Variants in MINDY4 observed in about 807,000 individuals in gnomAD.
MINDY4 encodes the protein MINDY lysine 48 deubiquitinase 4.
A neutral mutation model predicts 87.0 loss-of-function variants in MINDY4; 68 were observed. The ratio of observed to expected loss-of-function variants is 0.78; its 90% CI spans 0.64 to 0.96. The LOEUF (loss-of-function observed/expected upper bound fraction) is 0.96, where lower values mean the gene tolerates loss of function less well. Ranked by LOEUF, MINDY4 falls within the 40% of genes least tolerant of loss-of-function variation. The probability of loss-of-function intolerance (pLI) is 0.00; values close to 1 mark genes in which losing one functional copy is unlikely to be tolerated. For missense variants in MINDY4, 919 were observed against 928.2 expected, an observed-to-expected ratio of 0.99 and a Z score of 0.13; for synonymous variants, 379 against 363.2, an observed-to-expected ratio of 1.04 and a Z score of -0.50.
intron 4 of MINDY4, chr7:30,786,350 C>T (rs972176802): frequency 2.3e-4 from 47 of 201,366 alleles, no homozygotes; most frequent in African/African-American, 8.1e-4. Context: ...TGGTGGCTTA[C>T]ACCTGTAATC....
intron 4 of MINDY4, among the ~76,000 whole-genome samples, chr7:30,789,350 C>A (rs572250135): frequency 6.6e-6 from 1 of 152,286 alleles, no homozygotes; most frequent in East Asian, 1.9e-4. Flanking sequence ...GTATCTGAAA[C>A]CCACAAAGGA....
At chr7:30,822,515 C>G (rs1425316773) in intron 5 of MINDY4, among the ~76,000 whole-genome samples, 1 of 152,064 alleles carries the variant, frequency 6.6e-6, no homozygotes, top group East Asian at 1.9e-4. Flanking sequence ...GACATGTAGC[C>G]CATAATCAAA....
intron 1 of MINDY4, 67 bp downstream of exon 1, chr7:30,771,623 C>T (rs1382340775): frequency 6.6e-7 from 1 of 1,509,340 alleles, no homozygotes; most frequent in Admixed American, 2.0e-5. Flanking sequence ...GGGGTCTCCC[C>T]TGAAGGCTTT....
chr7:30,875,878 T>C lies in MINDY4; in HGVS notation c.1971+222T>C, dbSNP rs540082881. 3.9e-5 allele frequency among the ~76,000 whole-genome samples: 6 copies of C among 152,244 alleles called. No homozygotes were observed. The South Asian group carries it at 6.2e-4, about 16-fold the overall frequency. On this transcript the variant is annotated intron_variant, in intron 15 of 17. Coordinates refer to ENST00000265299, the MANE Select transcript of MINDY4 (RefSeq NM_032222.3). The stretch of plus-strand genomic sequence containing the variant: ...AGCTGATACCGTGTTCTGGGGAAGA[T>C]GGTTTGAAAAGGACTTCGAGGGATT...
chr7:30,822,169 T>G (rs1377939314), intron 5 of MINDY4, among the ~76,000 whole-genome samples: 1 of 151,998 alleles, frequency 6.6e-6, no homozygotes, highest in Non-Finnish European at 1.5e-5. Flanking sequence ...TTTCTTTCTT[T>G]CTTTCTTTCT....
intron 5 of MINDY4, among the ~76,000 whole-genome samples, chr7:30,810,394 C>T (rs1467885903): frequency 6.7e-6 from 1 of 148,158 alleles, no homozygotes; most frequent in Non-Finnish European, 1.5e-5. Context: ...GTAAAATATA[C>T]CTTTGGTAAA....
At chr7:30,833,849 G>C (rs936823643) in intron 6 of MINDY4, among the ~76,000 whole-genome samples, 1 of 152,226 alleles carries the variant, frequency 6.6e-6, no homozygotes, top group Admixed American at 6.5e-5. Context: ...ATCCAGCAGG[G>C]CAGTCAAATC....
At chr7:30,882,115 A>G in intron 15 of MINDY4, 66 bp from the exon 16 acceptor site, 1 of 1,479,076 alleles carries the variant, frequency 6.8e-7, no homozygotes, top group Non-Finnish European at 9.2e-7. Flanking sequence ...CTTGAGTCAG[A>G]CAGAAAAATG....
intron 5 of MINDY4, among the ~76,000 whole-genome samples, chr7:30,814,926 A>G (rs1217232233): frequency 1.3e-5 from 2 of 152,222 alleles, no homozygotes; most frequent in African/African-American, 4.8e-5. Context: ...ATGCCTTATA[A>G]GTTTGAAAGG....
intron 5 of MINDY4, among the ~76,000 whole-genome samples, chr7:30,815,498 C>T (rs1788120698): frequency 6.6e-6 from 1 of 152,160 alleles, no homozygotes; most frequent in Non-Finnish European, 1.5e-5. Context: ...GATGGGTGGG[C>T]TTGGTCAGGT....
At chr7:30,855,273 A>G (rs1789535130) in intron 12 of MINDY4, among the ~76,000 whole-genome samples, 1 of 152,244 alleles carries the variant, frequency 6.6e-6, no homozygotes, top group South Asian at 2.1e-4. Flanking sequence ...GTCCTCAAAG[A>G]AGAACCTTAA....
chr7:30,789,241 G>GC (rs1470921054), intron 4 of MINDY4, among the ~76,000 whole-genome samples: 1 of 152,190 alleles, frequency 6.6e-6, no homozygotes, highest in Non-Finnish European at 1.5e-5. Context: ...CAGTGGAGAT[G>GC]CCCTTTATAC....
At chr7:30,855,921 C>T (rs1789555601) in intron 12 of MINDY4, among the ~76,000 whole-genome samples, 1 of 152,276 alleles carries the variant, frequency 6.6e-6, no homozygotes, top group Admixed American at 6.5e-5. Context: ...TGCCTCAGCA[C>T]TGCCCTCACC....
chr7:30,854,996 C>T (rs1435546961), intron 12 of MINDY4, among the ~76,000 whole-genome samples: 4 of 152,240 alleles, frequency 2.6e-5, no homozygotes, highest in African/African-American at 9.6e-5. Flanking sequence ...GCCGGGGCAT[C>T]GGGAGCCCCA....
At chr7:30,775,100 A>C (rs972760374) in intron 1 of MINDY4, among the ~76,000 whole-genome samples, 1 of 152,136 alleles carries the variant, frequency 6.6e-6, no homozygotes, top group African/African-American at 2.4e-5. Context: ...CCTCCATACA[A>C]ACTAAATCTC....
intron 10 of MINDY4, 22 bp from the exon 11 acceptor site, chr7:30,852,194 T>A: frequency 6.2e-7 from 1 of 1,614,112 alleles, no homozygotes; most frequent in Non-Finnish European, 8.5e-7. Flanking sequence ...AGAGGACTCA[T>A]GCACCTTCCT....
chr7:30,887,850 C>A lies in MINDY4; in HGVS notation c.2226-4107C>A, dbSNP rs182497480. Among the ~76,000 whole-genome samples the A allele has an allele frequency of 8.2e-4, 125 of 152,364 alleles. 3 individuals are homozygous for A. In the East Asian group the frequency reaches 0.02, roughly 25 times the overall value. On this transcript the variant is annotated intron_variant, in intron 17 of 17. Transcript: ENST00000265299. ...GGATCTGATCCTGCAGGATGGCGGACTGGGCAGGGCCCAGCAGGGGTTAAG... is the reference window on the plus strand; with the variant it reads ...GGATCTGATCCTGCAGGATGGCGGAATGGGCAGGGCCCAGCAGGGGTTAAG...
At chr7:30,810,838 T>A (rs1380123174) in intron 5 of MINDY4, among the ~76,000 whole-genome samples, 1 of 152,140 alleles carries the variant, frequency 6.6e-6, no homozygotes, top group African/African-American at 2.4e-5. Flanking sequence ...TTCTTTGGTC[T>A]AAAAACTAAT....
chr7:30,828,602 C>A (rs968390828), intron 5 of MINDY4, 77 bp from the exon 6 acceptor site: 1 of 1,455,164 alleles, frequency 6.9e-7, no homozygotes, highest in Non-Finnish European at 9.6e-7. Flanking sequence ...GCCTATCCAT[C>A]GCTCTTAACA....
Sources: allele counts gnomAD v4.1 joint callset (sites outside exome capture counted in the v4.1 genomes callset), GRCh38; gene constraint gnomAD v4.1.1; transcripts MANE v1.5; gene names NCBI Gene and HGNC (gene_info 2026-07-23, HGNC 2026-07-21).